RAB9B: variants seen among roughly 807,000 people sequenced by gnomAD.
The protein encoded by RAB9B is ras-related protein Rab-9B.
RAB9B carries 1 observed loss-of-function variant against 8.9 expected under a neutral mutation model. The observed-to-expected ratio is 0.11, with a 90% CI of 0.04 to 0.53. The LOEUF (loss-of-function observed/expected upper bound fraction) is 0.53. RAB9B is among the 20% of genes least tolerant of loss of function. The probability of loss-of-function intolerance (pLI) is 0.93; values close to 1 mark genes in which losing one functional copy is unlikely to be tolerated. For missense variants in RAB9B, 82 were observed against 152.9 expected, an observed-to-expected ratio of 0.54 and a Z score of 2.45; for synonymous variants, 63 against 57.0, an observed-to-expected ratio of 1.10 and a Z score of -0.47.
At position 103,832,178 on chromosome X, in the gene RAB9B, A is replaced by T. The variant is rs1367846222; in HGVS notation, c.-235T>A. ...TGCTCCTGCTGCCTCCTCGTCCTCA[A>T]TGGGGCAGCAAGTGCGGCTTGGACC... On this transcript the variant is annotated 5_prime_UTR_variant, in exon 1 of 3. It adds an upstream start codon to the 5' untranslated region. Coordinates refer to ENST00000243298, the MANE Select transcript of RAB9B (RefSeq NM_016370.4). 1 of 111,037 alleles carries T rather than the reference A, an allele frequency of 9.0e-6. No individual in the cohort carries two copies. Among genetic ancestry groups the T allele is most frequent in the Non-Finnish European group, 1.9e-5 (1 of 52,579 alleles). 9.2% of individuals were successfully genotyped at this position (111,037 alleles called of 1,213,427 possible).
the RAB9B span, among the ~76,000 whole-genome samples, chrX:103,795,877 TA>T: frequency 2.3e-3 from 252 of 109,252 alleles, 8 homozygotes; most frequent in East Asian, 0.064. Context: ...TCAGCTTTCC[TA>T]AAAAAAAAAT....
At chrX:103,797,292 A>T in the RAB9B span, among the ~76,000 whole-genome samples, 3 of 109,986 alleles carry the variant, frequency 2.7e-5, no homozygotes, top group Admixed American at 9.7e-5. Flanking sequence ...TGGTTTTGCC[A>T]TGTTGCCCAG....
chrX:103,802,811 T>G, the RAB9B span, among the ~76,000 whole-genome samples: 1 of 110,734 alleles, frequency 9.0e-6, no homozygotes, highest in African/African-American at 3.3e-5. Context: ...CCACTAGCAA[T>G]GTTTCCCTAT....
Position 103,823,757 on chromosome X carries a change from T to G in RAB9B, c.*1422A>C, listed in dbSNP as rs1366747325. The G allele has an allele frequency of 3.6e-5, 4 of 112,192 alleles. No homozygotes were observed. The East Asian group carries it at 1.1e-3, about 31-fold the overall frequency. The allele number at this position is 112,192 out of a possible 1,213,427, so 9.2% of individuals were successfully genotyped here. A position where few individuals can be genotyped will look rare whatever the true frequency, so the allele number is the denominator to read the frequency against. On this transcript the variant is annotated 3_prime_UTR_variant, in exon 3 of 3. Transcript: ENST00000243298. ...GGAGCTTTAAGATGTTTTTTATCAG[T>G]CACATAAAGATTACTCAGAGCTCAA...
chrX:103,790,458 C>G, the RAB9B span: 3 of 781,720 alleles, frequency 3.8e-6, no homozygotes, highest in Non-Finnish European at 6.0e-6. Flanking sequence ...TCCTCATTCC[C>G]AAAGGGATTT....
rs138603245 is a variant in RAB9B, at chrX:103,831,335, G to C, written c.-117+725C>G. On this transcript the variant is annotated intron_variant, in intron 1 of 2. Coordinates refer to ENST00000243298, the MANE Select transcript of RAB9B (RefSeq NM_016370.4). ...TGGATTCATTTTGCAGAGCTAACAA[G>C]TTATCAGCTACATCCATGCCGACTC... is the stretch of plus-strand genomic sequence containing the variant. Among the ~76,000 whole-genome samples the C allele has an allele frequency of 4.3e-3, 461 of 107,498 alleles. 5 individuals carry two copies. Among genetic ancestry groups the C allele is most frequent in the African/African-American group, 0.015 (431 of 29,448 alleles). 93.3% of individuals were successfully genotyped at this position (107,498 alleles called of 115,157 possible). A position where few individuals can be genotyped will look rare whatever the true frequency, so the allele number is the denominator to read the frequency against.
the RAB9B span, among the ~76,000 whole-genome samples, chrX:103,781,550 T>C: frequency 8.9e-6 from 1 of 112,396 alleles, no homozygotes; most frequent in East Asian, 2.8e-4. Context: ...CAGACATATG[T>C]TTGTTCACCC....
At chrX:103,790,906 C>A in the RAB9B span, 3 of 325,709 alleles carry the variant, frequency 9.2e-6, no homozygotes. Flanking sequence ...CAAGCATCTC[C>A]TGAGGATCAG....
chrX:103,811,733 G>A, the RAB9B span, among the ~76,000 whole-genome samples: 5 of 111,274 alleles, frequency 4.5e-5, no homozygotes, highest in Non-Finnish European at 9.4e-5. Context: ...GACTCATTTG[G>A]CTGAAATACA....
Position 103,825,230 on chromosome X carries a change from A to T in RAB9B, c.555T>A (p.Gly185=), listed in dbSNP as rs2074678920. ...AGCCACTGTTCAAGTCAATGGTGTG[A>T]CCCAACATGCAATGCTCCAGCTGTT... The part of the protein sequence containing the change: ...VEEQLEHCML[G]HTIDLNSGSK... The change falls in exon 3 of 3, where the codon GGT becomes GGA. Residue 185 remains glycine (G), a synonymous_variant. Coordinates refer to ENST00000243298, the MANE Select transcript of RAB9B (RefSeq NM_016370.4). The T allele has an allele frequency of 8.3e-7, 1 of 1,208,902 alleles. No individual in the cohort carries two copies. The highest frequency in any genetic ancestry group is 1.8e-5 in the African/African-American group (1 of 56,824).
the RAB9B span, among the ~76,000 whole-genome samples, chrX:103,798,051 C>CG: frequency 8.9e-6 from 1 of 111,758 alleles, no homozygotes; most frequent in Admixed American, 9.5e-5. Context: ...GCCTGATCTA[C>CG]ACCCACTGAA....
At chrX:103,783,722 C>T in the RAB9B span, among the ~76,000 whole-genome samples, 5 of 111,851 alleles carry the variant, frequency 4.5e-5, no homozygotes, top group Non-Finnish European at 9.4e-5. Flanking sequence ...GAAAAGGAGT[C>T]CCCTTTCCCT....
At chrX:103,797,093 T>A in the RAB9B span, among the ~76,000 whole-genome samples, 1 of 105,679 alleles carries the variant, frequency 9.5e-6, no homozygotes, top group African/African-American at 3.4e-5. Context: ...AGACCTTTTT[T>A]TTTTTTTTTT....
At chrX:103,796,895 C>A in the RAB9B span, among the ~76,000 whole-genome samples, 1,227 of 99,219 alleles carry the variant, frequency 0.012, 26 homozygotes, top group African/African-American at 0.043. Flanking sequence ...AGCATGGTAC[C>A]TAGTGCCTGT....
At chrX:103,818,543 C>A (rs1212503354), downstream of RAB9B, among the ~76,000 whole-genome samples, 2 of 111,948 alleles carry the variant, frequency 1.8e-5, no homozygotes, top group African/African-American at 6.5e-5. Context: ...AGCTGTAAAA[C>A]AACCTAAATG....
At chrX:103,781,376 G>A in the RAB9B span, 5 of 297,980 alleles carry the variant, frequency 1.7e-5, no homozygotes, top group Non-Finnish European at 3.3e-5. Flanking sequence ...AGGGCTTAAA[G>A]TTGGAGTATC....
At chrX:103,802,223 A>AGC in the RAB9B span, among the ~76,000 whole-genome samples, 3 of 86,245 alleles carry the variant, frequency 3.5e-5, no homozygotes, top group Non-Finnish European at 6.8e-5. Context: ...AGAGAGACAG[A>AGC]GAGAGAGAGA....
At chrX:103,819,047 T>A (rs2074650119), downstream of RAB9B, among the ~76,000 whole-genome samples, 1 of 111,503 alleles carries the variant, frequency 9.0e-6, no homozygotes, top group African/African-American at 3.3e-5. Flanking sequence ...GACACACCCT[T>A]GGATATGTCG....
At chrX:103,812,273 A>C in the RAB9B span, among the ~76,000 whole-genome samples, 1 of 111,831 alleles carries the variant, frequency 8.9e-6, no homozygotes, top group African/African-American at 3.3e-5. Flanking sequence ...ATGGAAGATT[A>C]AGTTTTTAAC....
Sources: allele counts gnomAD v4.1 joint callset (sites outside exome capture counted in the v4.1 genomes callset), GRCh38; gene constraint gnomAD v4.1.1; transcripts MANE v1.5; gene names NCBI Gene and HGNC (gene_info 2026-07-23, HGNC 2026-07-21).